SH3D21: variants seen among roughly 807,000 people sequenced by gnomAD.
SH3D21 encodes manchette microtubule inner protein 1.
A neutral mutation model predicts 82.1 loss-of-function variants in SH3D21; 83 were observed. That is an observed-to-expected ratio of 1.01 (90% CI 0.85 to 1.21). SH3D21 has a LOEUF of 1.21. Ranked by LOEUF, SH3D21 falls within the 50% of genes most tolerant of loss-of-function variation. SH3D21 has a pLI of 0.00. For missense variants in SH3D21, 980 were observed against 962.1 expected, an observed-to-expected ratio of 1.02 and a Z score of -0.25; for synonymous variants, 383 against 387.8, an observed-to-expected ratio of 0.99 and a Z score of 0.15.
In SH3D21 at chr1:36,320,249, A is replaced by C. The variant is rs367794219; in HGVS notation, c.1586A>C (p.Glu529Ala). 4 of 1,612,878 alleles carry C rather than the reference A, an allele frequency of 2.5e-6. No individual in the cohort carries two copies. The highest frequency in any genetic ancestry group is 3.4e-6 in the Non-Finnish European group (4 of 1,179,958). Residue 529 changes from glutamate to alanine, a missense_variant, in exon 14 of 16, where the codon GAG becomes GCG. Glu to Ala is a moderately radical substitution (Grantham distance 107). Transcript: ENST00000453908. ...AAAGAGGATCCATCATCCCAGGAGGAGGCCCACACGCCAGAGGCACCCCCA... is the reference window on the plus strand; with the variant it reads ...AAAGAGGATCCATCATCCCAGGAGGCGGCCCACACGCCAGAGGCACCCCCA... Reference protein sequence around the residue: ...VAKEDPSSQEEAHTPEAPPPQ... With the variant: ...VAKEDPSSQEAAHTPEAPPPQ...
chr1:36,311,699 C>CTT (rs895169568), intron 10 of SH3D21, among the ~76,000 whole-genome samples: 1 of 147,824 alleles, frequency 6.8e-6, no homozygotes, highest in African/African-American at 2.5e-5. Flanking sequence ...TGGGGGGTTT[C>CTT]TTTTTTTTTT....
At chr1:36,328,537 G>A (rs55787730), downstream of SH3D21, 21,172 of 233,388 alleles carry the variant, frequency 0.091, 1,259 homozygotes, top group Middle Eastern at 0.21. Context: ...TTGGGAGGCC[G>A]AGGTGTGCAG....
downstream of SH3D21, chr1:36,321,362 C>T: frequency 7.5e-7 from 1 of 1,327,180 alleles, no homozygotes; most frequent in Non-Finnish European, 9.7e-7. This position sits in a 1 kb window ranked among gnomAD's most constrained non-coding sequence, Gnocchi z 6.1. Context: ...GGCCTGCGCG[C>T]GGCTATTTTT....
At chr1:36,319,376 G>T in intron 12 of SH3D21, 64 bp downstream of exon 12, 1 of 1,550,960 alleles carries the variant, frequency 6.4e-7, no homozygotes, top group Non-Finnish European at 8.7e-7. Flanking sequence ...GCTGTGCGGA[G>T]GGACAGAGGT....
chr1:36,325,153 C>T (rs1203092131), downstream of SH3D21, among the ~76,000 whole-genome samples: 1 of 152,094 alleles, frequency 6.6e-6, no homozygotes, highest in African/African-American at 2.4e-5. Context: ...CCTCCCATCT[C>T]ATTCTCCCAA....
In SH3D21 at chr1:36,306,767, C is replaced by A; in HGVS notation, c.162+12C>A. ...AGCGCCTGGTGCAGGTGAGGCCGAG[C>A]CAGGGGCGGGCTGTGGGGTCTCAGC... On this transcript the variant is annotated intron_variant, in intron 2 of 15. Coordinates refer to ENST00000453908, the MANE Select transcript of SH3D21 (RefSeq NM_001162530.2). This position sits in a 1 kb window ranked among gnomAD's most constrained non-coding sequence, Gnocchi z 4.5. 7.8e-7 allele frequency: 1 copy of A among 1,290,122 alleles called. No homozygotes were observed. The highest frequency in any genetic ancestry group is 5.7e-5 in the East Asian group (1 of 17,414). The allele number at this position is 1,290,122 out of a possible 1,614,324, so 79.9% of individuals were successfully genotyped here. A position where few individuals can be genotyped will look rare whatever the true frequency, so the allele number is the denominator to read the frequency against.
chr1:36,326,679 T>G (rs1570419479), downstream of SH3D21, among the ~76,000 whole-genome samples: 1 of 150,334 alleles, frequency 6.7e-6, no homozygotes, highest in African/African-American at 2.5e-5. Flanking sequence ...GCAGGGAGGG[T>G]GGTGAGTAGG....
downstream of SH3D21, among the ~76,000 whole-genome samples, chr1:36,325,418 G>C (rs114380751): frequency 5.1e-3 from 773 of 152,306 alleles, 5 homozygotes; most frequent in African/African-American, 0.018. Context: ...ATGTGTATAG[G>C]TTAAATGCAA....
intron 13 of SH3D21, 32 bp downstream of exon 13, chr1:36,319,568 T>A: frequency 6.4e-7 from 1 of 1,551,476 alleles, no homozygotes; most frequent in Non-Finnish European, 8.7e-7. Flanking sequence ...AGAGTGGGGA[T>A]GCTGGGCAGA....
chr1:36,313,079 C>T (rs1459687951), intron 10 of SH3D21, among the ~76,000 whole-genome samples: 1 of 152,016 alleles, frequency 6.6e-6, no homozygotes, highest in Non-Finnish European at 1.5e-5. Context: ...AATCCCAGCA[C>T]TTTGGGAGGC....
intron 10 of SH3D21, among the ~76,000 whole-genome samples, chr1:36,314,335 T>C (rs1646301874): frequency 6.6e-6 from 1 of 151,928 alleles, no homozygotes; most frequent in Non-Finnish European, 1.5e-5. Flanking sequence ...TTGGATCCTT[T>C]GCCCATTTAA....
chr1:36,309,255 G>A (rs1041779680), intron 9 of SH3D21, among the ~76,000 whole-genome samples: 6 of 151,064 alleles, frequency 4.0e-5, no homozygotes, highest in Admixed American at 6.6e-5. Context: ...AGAGTGCAGC[G>A]GCAGGATCGC....
At chr1:36,321,660 CG>C, downstream of SH3D21, 1 of 1,014,512 alleles carries the variant, frequency 9.9e-7, no homozygotes, top group Non-Finnish European at 1.2e-6. The surrounding 1 kb of genome is among the most constrained non-coding windows in gnomAD (Gnocchi z 6.1). Context: ...ATGCTTACAC[CG>C]GGGCTAGCAG....
chr1:36,328,223 G>A (rs560605161), downstream of SH3D21: 6 of 437,108 alleles, frequency 1.4e-5, no homozygotes, highest in East Asian at 1.4e-4. Context: ...TATGGGAGGG[G>A]ACTTGTGAGT....
chr1:36,321,890 G>T, downstream of SH3D21: 4 of 1,054,586 alleles, frequency 3.8e-6, no homozygotes, highest in Non-Finnish European at 4.6e-6. This position sits in a 1 kb window ranked among gnomAD's most constrained non-coding sequence, Gnocchi z 6.1. Context: ...AATGCGGGCA[G>T]GTGTGCTGTA....
rs754431336 is a variant in SH3D21 at position 36,307,495 on chromosome 1, C to T, written c.346-22C>T. The T allele has an allele frequency of 3.2e-6, 5 of 1,550,790 alleles. No homozygotes were observed. In the East Asian group the frequency reaches 1.2e-4, roughly 38 times the overall value. On this transcript the variant is annotated intron_variant, in intron 4 of 15. Coordinates refer to ENST00000453908, the MANE Select transcript of SH3D21 (RefSeq NM_001162530.2). The surrounding 1 kb of genome is among the most constrained non-coding windows in gnomAD (Gnocchi z 5.4). Reference sequence around the variant, plus strand: ...ACTCTTGGGGCAGAACCAGACGCCTCTGCGTCCTCCCCTCTCCCCAGATTG... The same window carrying T: ...ACTCTTGGGGCAGAACCAGACGCCTTTGCGTCCTCCCCTCTCCCCAGATTG...
At chr1:36,325,135 C>G (rs1453649336), downstream of SH3D21, among the ~76,000 whole-genome samples, 1 of 152,058 alleles carries the variant, frequency 6.6e-6, no homozygotes, top group Non-Finnish European at 1.5e-5. Flanking sequence ...CTCCTGGGCT[C>G]AAGTGAGCCT....
rs549696371 is a variant in SH3D21, at chr1:36,306,948, G to A, written c.226+43G>A. Reference sequence around the variant, plus strand: ...GACGGGCGCCGGTGGGCGGGTGCACGGAGCCAGTGCGACCCCGGCGTCTCC... The same window carrying A: ...GACGGGCGCCGGTGGGCGGGTGCACAGAGCCAGTGCGACCCCGGCGTCTCC... On this transcript the variant is annotated intron_variant, in intron 3 of 15. Coordinates refer to ENST00000453908, the MANE Select transcript of SH3D21 (RefSeq NM_001162530.2). The surrounding 1 kb of genome is among the most constrained non-coding windows in gnomAD (Gnocchi z 4.5). 1 of 1,330,164 alleles carries A rather than the reference G, an allele frequency of 7.5e-7. No individual in the cohort carries two copies. The highest frequency in any genetic ancestry group is 1.4e-5 in the South Asian group (1 of 70,438). The allele number at this position is 1,330,164 out of a possible 1,614,324, so 82.4% of individuals were successfully genotyped here.
chr1:36,320,348 G>A lies in SH3D21; in HGVS notation c.1685G>A (p.Arg562His), dbSNP rs761908342. The change falls in exon 14 of 16, where the codon CGC becomes CAC. Residue 562 changes from arginine to histidine, a missense_variant. Physicochemically the swap from Arg to His is conservative, Grantham distance 29. Transcript: ENST00000453908. ...CTAGTTAGAGGGGACAGCTCCCCAC[G>A]CCAGGCTGAGTTGAAGTCTGGGCCA... ...CTLVRGDSSP[R>H]QAELKSGPAS... is the part of the protein sequence containing the mutation. The A allele has an allele frequency of 1.6e-5, 26 of 1,613,208 alleles. No individual in the cohort carries two copies. The highest frequency in any genetic ancestry group is 2.2e-5 in the South Asian group (2 of 91,078).
Sources: allele counts gnomAD v4.1 joint callset (sites outside exome capture counted in the v4.1 genomes callset), GRCh38; gene constraint gnomAD v4.1.1; non-coding constraint Gnocchi (gnomAD v3.1); transcripts MANE v1.5; gene names NCBI Gene and HGNC (gene_info 2026-07-23, HGNC 2026-07-21).